The following FCGR1A variants were observed in gnomAD, a reference collection of about 807,000 sequenced individuals.
FCGR1A encodes Fc gamma receptor Ia.
Under a neutral mutation model 35.0 loss-of-function variants are expected in FCGR1A, and 13 were observed. The ratio of observed to expected loss-of-function variants is 0.37; its 90% CI spans 0.24 to 0.59. The LOEUF is 0.59. Among genes scored for constraint, FCGR1A ranks in the 20% least tolerant of loss-of-function variants. The pLI is 0.71. For missense variants in FCGR1A, 227 were observed against 430.0 expected (o/e 0.53, Z 4.17); for synonymous variants, 91 against 164.7 (o/e 0.55, Z 3.43).
downstream of FCGR1A, chr1:149,794,135 G>A (rs781790609): frequency 7.6e-6 from 3 of 394,024 alleles, no homozygotes; most frequent in South Asian, 5.4e-5. Context: ...AGGAGTCTAG[G>A]TGAGAGGCAG....
rs2091613754 is a variant in FCGR1A, at chr1:149,788,602, T to G, written c.544T>G (p.Ser182Ala). ...GKHRYTSAGI[S>A]VTVKELFPAP... is the part of the protein sequence containing the mutation. The stretch of plus-strand genomic sequence containing the variant: ...GCATCGCTACACATCAGCAGGAATA[T>G]CTGTCACTGTGAAAGGTATTGTATT... Residue 182 changes from serine (S) to alanine (A), a missense_variant, in exon 4 of 6, where the codon TCT becomes GCT. Coordinates refer to ENST00000369168, the MANE Select transcript of FCGR1A (RefSeq NM_000566.4). 2 of 1,613,888 alleles carry G rather than the reference T, an allele frequency of 1.2e-6. No homozygotes were observed. Among genetic ancestry groups the G allele is most frequent in the African/African-American group, 2.7e-5 (2 of 74,914 alleles).
chr1:149,794,278 A>T (rs1310161742), downstream of FCGR1A, among the ~76,000 whole-genome samples: 5 of 151,626 alleles, frequency 3.3e-5, no homozygotes, highest in Non-Finnish European at 5.9e-5. Flanking sequence ...AGGGGGGGGA[A>T]CACGTAGATT....
In FCGR1A at chr1:149,788,510, C is replaced by G. The variant is rs1485678599; in HGVS notation, c.452C>G (p.Ser151Cys). 1 of 1,613,724 alleles carries G rather than the reference C, an allele frequency of 6.2e-7. No homozygotes were observed. Among genetic ancestry groups the G allele is most frequent in the Non-Finnish European group, 8.5e-7 (1 of 1,179,838 alleles). ...GKAFKFFHWN[S>C]NLTILKTNIS... The stretch of plus-strand genomic sequence containing the variant: ...GCCTTTAAGTTTTTCCACTGGAATT[C>G]TAACCTCACCATTCTGAAAACCAAC... Residue 151 changes from serine to cysteine, a missense_variant, in exon 4 of 6, where the codon TCT (serine) becomes TGT (cysteine). Ser to Cys is a moderately radical substitution (Grantham distance 112, BLOSUM62 -1). Transcript: ENST00000369168.
At position 149,790,131 on chromosome 1, in the gene FCGR1A, GAAACAA is replaced by G; in HGVS notation, c.639_644del (p.Thr214_Lys215del). 1 of 1,613,948 alleles carries G rather than the reference GAAACAA, an allele frequency of 6.2e-7. No individual in the cohort carries two copies. Among genetic ancestry groups the G allele is most frequent in the Non-Finnish European group, 8.5e-7 (1 of 1,179,872 alleles). On this transcript the variant is annotated inframe_deletion, in exon 5 of 6. Coordinates refer to ENST00000369168, the MANE Select transcript of FCGR1A (RefSeq NM_000566.4). ...GGGGAATCTGGTCACCCTGAGCTGTGAAACAAAGTTGCTCTTGCAGAGGCCTGGTTT... is the reference window on the plus strand; with the variant it reads ...GGGGAATCTGGTCACCCTGAGCTGTGAGTTGCTCTTGCAGAGGCCTGGTTT...
chr1:149,793,368 C>A (rs1571403747), downstream of FCGR1A, among the ~76,000 whole-genome samples: 4 of 152,064 alleles, frequency 2.6e-5, no homozygotes, highest in South Asian at 6.2e-4. Context: ...GCGGGATCAG[C>A]AAGCCAGCGG....
the FCGR1A span, among the ~76,000 whole-genome samples, chr1:149,797,146 C>T: frequency 6.6e-6 from 1 of 152,218 alleles, no homozygotes; most frequent in Non-Finnish European, 1.5e-5. Context: ...CTCTTGACTT[C>T]AAATAATTCA....
At chr1:149,800,024 A>G in the FCGR1A span, among the ~76,000 whole-genome samples, 1 of 152,012 alleles carries the variant, frequency 6.6e-6, no homozygotes, top group African/African-American at 2.4e-5. Flanking sequence ...TTCAAATGCC[A>G]GTTCCAAGTC....
At chr1:149,793,275 A>G, downstream of FCGR1A, 1 of 1,217,590 alleles carries the variant, frequency 8.2e-7, no homozygotes, top group Non-Finnish European at 1.0e-6. Flanking sequence ...GGGGAGTGGG[A>G]GAGGCCGCCC....
At chr1:149,797,891 G>A in the FCGR1A span, among the ~76,000 whole-genome samples, 1 of 152,104 alleles carries the variant, frequency 6.6e-6, no homozygotes, top group Non-Finnish European at 1.5e-5. Flanking sequence ...GCATTTTAAA[G>A]CTACAAATTT....
chr1:149,799,895 C>T, the FCGR1A span, among the ~76,000 whole-genome samples: 2 of 152,182 alleles, frequency 1.3e-5, no homozygotes. Flanking sequence ...GTTCTCCATA[C>T]AGCAAGCAAG....
At chr1:149,784,402 A>G (rs1407743992) in intron 3 of FCGR1A, 145 bp downstream of exon 3, 17 of 1,451,058 alleles carry the variant, frequency 1.2e-5, no homozygotes, top group Non-Finnish European at 1.5e-5. Context: ...CTAAATCAGT[A>G]TACTCAAAAC....
intron 4 of FCGR1A, among the ~76,000 whole-genome samples, chr1:149,789,203 A>G (rs1321670210): frequency 1.3e-5 from 2 of 151,666 alleles, no homozygotes. Context: ...GAAAGAAATT[A>G]TTGTCCCAGA....
In FCGR1A at chr1:149,785,407, C is replaced by CCTTTT. The variant is rs1553750700; in HGVS notation, c.307+1150_307+1151insCTTTT. ...GTTAGGGAAGCTGACAGAGCTGTTTCGTTTTTTTTTTTTTTTTTTTTTTTT... is the reference window on the plus strand; with the variant it reads ...GTTAGGGAAGCTGACAGAGCTGTTTCCTTTTGTTTTTTTTTTTTTTTTTTTTTTTT... On this transcript the variant is annotated intron_variant, in intron 3 of 5. Transcript: ENST00000369168. 3.3e-3 allele frequency among the ~76,000 whole-genome samples: 244 copies of CCTTTT among 74,506 alleles called. 16 individuals carry two copies. The highest frequency in any genetic ancestry group is 0.014 in the Middle Eastern group (2 of 146). 48.9% of individuals were successfully genotyped at this position (74,506 alleles called of 152,430 possible).
downstream of FCGR1A, chr1:149,794,123 T>A (rs1173758762): frequency 2.2e-6 from 1 of 451,230 alleles, no homozygotes; most frequent in Non-Finnish European, 4.4e-6. Flanking sequence ...AAGAGACCAG[T>A]TAGGAGTCTA....
chr1:149,793,147 A>G (rs2091755511), downstream of FCGR1A: 2 of 1,273,954 alleles, frequency 1.6e-6, no homozygotes, highest in Admixed American at 2.4e-5. Context: ...CTCCGCGGAG[A>G]GGAGGATTGG....
At chr1:149,786,179 A>C (rs587744152) in intron 3 of FCGR1A, 1 of 152,256 alleles carries the variant, frequency 6.6e-6, no homozygotes, top group South Asian at 2.1e-4. Context: ...ATACAAATGC[A>C]AATTAAGCAT....
intron 5 of FCGR1A, 35 bp from the exon 6 acceptor site, chr1:149,791,202 A>T: frequency 6.2e-7 from 1 of 1,606,146 alleles, no homozygotes; most frequent in Non-Finnish European, 8.5e-7. Context: ...TGGTCTCTAA[A>T]TAGTATCTCT....
chr1:149,790,049 C>T lies in FCGR1A; in HGVS notation c.560-5C>T. ...AACCTTGTCCCCCATCAACTTTCTCCTTAGAGCTATTTCCAGCTCCAGTGC... is the reference window on the plus strand; with the variant it reads ...AACCTTGTCCCCCATCAACTTTCTCTTTAGAGCTATTTCCAGCTCCAGTGC... On this transcript the variant is annotated splice_region_variant and splice_polypyrimidine_tract_variant and intron_variant, in intron 4 of 5. Coordinates refer to ENST00000369168, the MANE Select transcript of FCGR1A (RefSeq NM_000566.4). The T allele has an allele frequency of 6.2e-7, 1 of 1,613,496 alleles. No individual in the cohort carries two copies. The highest frequency in any genetic ancestry group is 8.5e-7 in the Non-Finnish European group (1 of 1,179,876).
chr1:149,791,243 A>C lies in FCGR1A; in HGVS notation c.851A>C (p.Gln284Pro). The C allele has an allele frequency of 6.2e-7, 1 of 1,605,338 alleles. No individual in the cohort carries two copies. ...TTGTCTTTTTCTGTTTCAGGCCTCCAGTTACCAACTCCTGTCTGGTTTCAT... is the reference window on the plus strand; with the variant it reads ...TTGTCTTTTTCTGTTTCAGGCCTCCCGTTACCAACTCCTGTCTGGTTTCAT... ...PELELQVLGL[Q>P]LPTPVWFHVL... is the part of the protein sequence containing the mutation. The change falls in exon 6 of 6, where the codon CAG (glutamine) becomes CCG (proline). Residue 284 changes from glutamine to proline, a missense_variant. Physicochemically the swap from Gln to Pro is moderately conservative, Grantham distance 76. Coordinates refer to ENST00000369168, the MANE Select transcript of FCGR1A (RefSeq NM_000566.4).
Sources: gnomAD v4.1 joint callset for allele counts (sites outside exome capture counted in the v4.1 genomes callset) on GRCh38, gnomAD v4.1.1 for gene constraint, MANE v1.5 for transcripts, NCBI Gene and HGNC (gene_info 2026-07-23, HGNC 2026-07-21) for gene names.